C12orf54: variants seen among roughly 807,000 people sequenced by gnomAD.
The protein encoded by C12orf54 is uncharacterized protein C12orf54.
Under a neutral mutation model 26.4 loss-of-function variants are expected in C12orf54, and 24 were observed. The observed-to-expected ratio is 0.91, with a 90% CI of 0.66 to 1.28. C12orf54 has a LOEUF of 1.28. Ranked by LOEUF, C12orf54 falls within the 50% of genes most tolerant of loss-of-function variation. C12orf54 has a pLI of 0.00. For synonymous variants in C12orf54, 54 were observed against 47.0 expected (o/e 1.15, Z -0.61); for missense variants, 154 against 150.9 (o/e 1.02, Z -0.11).
intron 8 of C12orf54, among the ~76,000 whole-genome samples, chr12:48,495,785 T>A (rs993276456): frequency 7.2e-5 from 11 of 152,254 alleles, no homozygotes; most frequent in African/African-American, 2.2e-4. Flanking sequence ...TATTTTATCC[T>A]GTTTCCCCCA....
intron 4 of C12orf54, chr12:48,488,517 C>G (rs929648061): frequency 2.6e-6 from 1 of 380,472 alleles, no homozygotes; most frequent in Non-Finnish European, 4.9e-6. Flanking sequence ...AAGAAAGTGC[C>G]GGAACTTTTT....
At chr12:48,473,226 G>C in the C12orf54 span, 1 of 1,187,950 alleles carries the variant, frequency 8.4e-7, no homozygotes, top group Non-Finnish European at 1.2e-6. Flanking sequence ...GGTAATGGAA[G>C]ATGAGGAGGA....
At chr12:48,433,332 A>G in the C12orf54 span, among the ~76,000 whole-genome samples, 1 of 152,146 alleles carries the variant, frequency 6.6e-6, no homozygotes, top group Non-Finnish European at 1.5e-5. Flanking sequence ...TATTCAAAAA[A>G]CTATTTTGAA....
intron 4 of C12orf54, among the ~76,000 whole-genome samples, chr12:48,487,086 CAGGTTTCACTTTATAGTTGA>C: frequency 6.6e-6 from 1 of 152,260 alleles, no homozygotes; most frequent in African/African-American, 2.4e-5. Flanking sequence ...ATAAAAATGC[CAGGTTTCACTTTATAGTTGA>C]AGGGTATATA....
chr12:48,454,378 C>G, the C12orf54 span, among the ~76,000 whole-genome samples: 25 of 152,236 alleles, frequency 1.6e-4, no homozygotes, highest in Non-Finnish European at 2.9e-4. Context: ...GGATTACAGA[C>G]TTGAGCCACC....
At chr12:48,468,609 TA>T in the C12orf54 span, among the ~76,000 whole-genome samples, 1 of 152,190 alleles carries the variant, frequency 6.6e-6, no homozygotes, top group Non-Finnish European at 1.5e-5. Flanking sequence ...ATAAAGCTGT[TA>T]TGGTTATATT....
the C12orf54 span, among the ~76,000 whole-genome samples, chr12:48,413,402 C>A: frequency 4.6e-5 from 7 of 152,298 alleles, no homozygotes; most frequent in Admixed American, 3.9e-4. Context: ...CACTCTTCAA[C>A]CCCAAATCTG....
At chr12:48,472,006 CTCTGGTT>C in the C12orf54 span, among the ~76,000 whole-genome samples, 1 of 152,128 alleles carries the variant, frequency 6.6e-6, no homozygotes, top group African/African-American at 2.4e-5. Context: ...TTTGTGCCAT[CTCTGGTT>C]TCTTTGAGCA....
chr12:48,454,088 T>TG, the C12orf54 span, among the ~76,000 whole-genome samples: 1 of 116,142 alleles, frequency 8.6e-6, no homozygotes, highest in Non-Finnish European at 1.7e-5. Flanking sequence ...CTCTCTCTTT[T>TG]TTTGTTTGTT....
intron 6 of C12orf54, among the ~76,000 whole-genome samples, chr12:48,491,162 A>G (rs1454111398): frequency 6.6e-6 from 1 of 152,214 alleles, no homozygotes; most frequent in Non-Finnish European, 1.5e-5. Flanking sequence ...TGGGTAATTT[A>G]TAATCAACAG....
the C12orf54 span, among the ~76,000 whole-genome samples, chr12:48,438,314 A>T: frequency 6.6e-6 from 1 of 152,230 alleles, no homozygotes; most frequent in Non-Finnish European, 1.5e-5. Context: ...ATATCGTGAA[A>T]ATGGCCATAC....
At chr12:48,485,281 G>GGTTTT (rs111417930) in intron 2 of C12orf54, among the ~76,000 whole-genome samples, 135 of 151,142 alleles carry the variant, frequency 8.9e-4, no homozygotes, top group East Asian at 2.7e-3. Flanking sequence ...GTTTGTTGTT[G>GGTTTT]GTTTTGTTTT....
At chr12:48,444,663 T>C in the C12orf54 span, among the ~76,000 whole-genome samples, 3 of 152,198 alleles carry the variant, frequency 2.0e-5, no homozygotes, top group Non-Finnish European at 2.9e-5. Context: ...TTCACTATTC[T>C]CACTGCTTCA....
chr12:48,459,211 T>A, the C12orf54 span, among the ~76,000 whole-genome samples: 1 of 152,204 alleles, frequency 6.6e-6, no homozygotes, highest in Admixed American at 6.6e-5. Context: ...GGTAGAAGAC[T>A]CAAGCCAGGA....
At chr12:48,468,804 A>C in the C12orf54 span, among the ~76,000 whole-genome samples, 1 of 152,184 alleles carries the variant, frequency 6.6e-6, no homozygotes, top group South Asian at 2.1e-4. Flanking sequence ...TCAATGTAAC[A>C]GTTCTTTTTT....
At chr12:48,489,272 G>A (rs1007318661) in intron 5 of C12orf54, 7 of 524,102 alleles carry the variant, frequency 1.3e-5, no homozygotes, top group African/African-American at 1.3e-4. Flanking sequence ...ATCCCCTAGT[G>A]ATGTAGTAAA....
intron 4 of C12orf54, chr12:48,487,874 G>A: frequency 1.8e-6 from 1 of 565,748 alleles, no homozygotes; most frequent in East Asian, 2.8e-5. Flanking sequence ...TCATGGCTGG[G>A]TAACACAGTA....
the C12orf54 span, among the ~76,000 whole-genome samples, chr12:48,451,616 T>G: frequency 6.6e-6 from 1 of 152,212 alleles, no homozygotes; most frequent in Admixed American, 6.5e-5. Flanking sequence ...CAAAAGCTTC[T>G]TAAGCTGATA....
At chr12:48,495,023 A>G in intron 8 of C12orf54, 44 bp downstream of exon 8, 1 of 1,456,864 alleles carries the variant, frequency 6.9e-7, no homozygotes, top group Non-Finnish European at 9.4e-7. Context: ...CACCCTGCCC[A>G]TCTGTGGTAG....
Sources: gnomAD v4.1 joint callset for allele counts (sites outside exome capture counted in the v4.1 genomes callset) on GRCh38, gnomAD v4.1.1 for gene constraint, MANE v1.5 for transcripts, NCBI Gene and HGNC (gene_info 2026-07-23, HGNC 2026-07-21) for gene names.